The following VIT variants were observed in gnomAD, a reference collection of about 807,000 sequenced individuals.
VIT encodes vitrin.
Under a neutral mutation model 78.0 loss-of-function variants are expected in VIT, and 99 were observed. The ratio of observed to expected loss-of-function variants is 1.27; its 90% CI spans 1.08 to 1.50. VIT has a LOEUF of 1.50. VIT is among the 40% of genes most tolerant of loss of function. The probability of loss-of-function intolerance (pLI) is 0.00; values close to 1 mark genes in which losing one functional copy is unlikely to be tolerated. For missense variants in VIT, 1,126 were observed against 875.3 expected, an observed-to-expected ratio of 1.29 and a Z score of -3.61; for synonymous variants, 374 against 334.3, an observed-to-expected ratio of 1.12 and a Z score of -1.29.
chr2:36,732,197 G>A (rs932241174), intron 3 of VIT, among the ~76,000 whole-genome samples: 3 of 152,180 alleles, frequency 2.0e-5, no homozygotes, highest in Non-Finnish European at 2.9e-5. Context: ...ATCACGAAAG[G>A]TTCCATGATT....
chr2:36,795,982 A>C (rs1240154678), intron 12 of VIT, among the ~76,000 whole-genome samples: 2 of 152,138 alleles, frequency 1.3e-5, no homozygotes, highest in Admixed American at 1.3e-4. Flanking sequence ...GTGCATTCAG[A>C]AAAAGAAGAG....
At chr2:36,758,295 AC>A (rs144705057) in intron 5 of VIT, among the ~76,000 whole-genome samples, 1,850 of 152,368 alleles carry the variant, frequency 0.012, 37 homozygotes, top group African/African-American at 0.043. Flanking sequence ...CAGGGGGCTT[AC>A]TGTATTCCAG....
In VIT at chr2:36,785,702, A is replaced by G. The variant is rs946414121; in HGVS notation, c.911-1427A>G. Among the ~76,000 whole-genome samples, 9 of 152,218 alleles carry G rather than the reference A, an allele frequency of 5.9e-5. 1 individual carries two copies. In the East Asian group the frequency reaches 1.7e-3, roughly 29 times the overall value. On this transcript the variant is annotated intron_variant, in intron 11 of 15. Coordinates refer to ENST00000379242, the MANE Select transcript of VIT (RefSeq NM_053276.4). ...GAGATTTGCTACTGAGCCAAGGTAC[A>G]AACAGGTGCCCTGATTCTAGATGGA...
At chr2:36,807,804 C>A (rs1472578291) in intron 14 of VIT, among the ~76,000 whole-genome samples, 1 of 152,186 alleles carries the variant, frequency 6.6e-6, no homozygotes, top group Admixed American at 6.5e-5. Context: ...GCAGAGTTGT[C>A]TGGTTCTGAA....
intron 2 of VIT, among the ~76,000 whole-genome samples, chr2:36,718,636 C>T (rs1666308505): frequency 6.6e-6 from 1 of 152,142 alleles, no homozygotes; most frequent in African/African-American, 2.4e-5. Context: ...AGCAGGCACT[C>T]TCAGGAGCCA....
intron 12 of VIT, among the ~76,000 whole-genome samples, chr2:36,797,348 C>G (rs1260099028): frequency 1.3e-5 from 2 of 152,102 alleles, no homozygotes; most frequent in Admixed American, 6.6e-5. Context: ...TGGTTAGGAC[C>G]AGGTAGGAAA....
At chr2:36,787,723 T>C (rs974543282) in intron 12 of VIT, 1 of 400,574 alleles carries the variant, frequency 2.5e-6, no homozygotes, top group African/African-American at 2.1e-5. Flanking sequence ...TATCCACCTA[T>C]AGGTTAGACG....
intron 11 of VIT, among the ~76,000 whole-genome samples, chr2:36,784,439 C>T (rs546388112): frequency 6.6e-6 from 1 of 152,334 alleles, no homozygotes; most frequent in Admixed American, 6.5e-5. Flanking sequence ...AAACACAGAC[C>T]TGCTGGTTCT....
intron 1 of VIT, among the ~76,000 whole-genome samples, chr2:36,699,641 G>T (rs1334391859): frequency 6.6e-6 from 1 of 151,158 alleles, no homozygotes; most frequent in African/African-American, 2.5e-5. Flanking sequence ...TAGATAGATA[G>T]ATAGATAGAT....
Position 36,712,482 on chromosome 2 carries a change from T to G in VIT, c.-18-3871T>G, listed in dbSNP as rs142300634. 6.6e-5 allele frequency among the ~76,000 whole-genome samples: 10 copies of G among 152,354 alleles called. No individual in the cohort carries two copies. In the East Asian group the frequency reaches 1.9e-3, roughly 29 times the overall value. On this transcript the variant is annotated intron_variant, in intron 1 of 15. Coordinates refer to ENST00000379242, the MANE Select transcript of VIT (RefSeq NM_053276.4). ...GGTTTGTTTGTTGATTAACAAAGTA[T>G]CAACACTGCTTTATTAGTTTTTATT...
intron 4 of VIT, among the ~76,000 whole-genome samples, chr2:36,748,061 T>C (rs1348495686): frequency 6.6e-6 from 1 of 152,244 alleles, no homozygotes; most frequent in African/African-American, 2.4e-5. Context: ...CCCAATCTCT[T>C]CTGGCTTGTA....
At chr2:36,803,663 G>T (rs1186078000) in intron 13 of VIT, among the ~76,000 whole-genome samples, 2 of 152,196 alleles carry the variant, frequency 1.3e-5, no homozygotes, top group African/African-American at 2.4e-5. Context: ...AGACATTTCT[G>T]CAGCATCTGT....
At chr2:36,773,550 T>G (rs1669878096) in intron 7 of VIT, among the ~76,000 whole-genome samples, 2 of 152,010 alleles carry the variant, frequency 1.3e-5, no homozygotes. Context: ...GCCAACATGG[T>G]GAAACCCCAT....
chr2:36,783,260 C>T (rs1664879160), intron 10 of VIT, 80 bp from the exon 11 acceptor site: 1 of 1,399,790 alleles, frequency 7.1e-7, no homozygotes, highest in Non-Finnish European at 1.0e-6. Flanking sequence ...GTGTGAATAT[C>T]CATTATGTCC....
intron 9 of VIT, among the ~76,000 whole-genome samples, chr2:36,775,658 CAGATGTTCCT>C (rs1160369264): frequency 7.9e-5 from 12 of 152,200 alleles, no homozygotes; most frequent in Admixed American, 2.0e-4. Flanking sequence ...TCGACCCACA[CAGATGTTCCT>C]AGATGTTCCT....
intron 1 of VIT, among the ~76,000 whole-genome samples, chr2:36,715,178 A>G (rs997768991): frequency 2.0e-5 from 3 of 151,878 alleles, no homozygotes; most frequent in Non-Finnish European, 4.4e-5. Flanking sequence ...CTCTAGCACT[A>G]CCCCCCACCT....
intron 2 of VIT, among the ~76,000 whole-genome samples, chr2:36,720,119 T>G (rs1299639135): frequency 5.9e-5 from 9 of 152,178 alleles, no homozygotes; most frequent in Non-Finnish European, 8.8e-5. Flanking sequence ...GATGGCATTT[T>G]TCACAGAAAT....
chr2:36,697,485 C>T (rs925378723), intron 1 of VIT, among the ~76,000 whole-genome samples: 2 of 152,198 alleles, frequency 1.3e-5, no homozygotes, highest in African/African-American at 2.4e-5. Context: ...TGGAATGTGG[C>T]TAGATGTGCG....
chr2:36,752,355 C>T (rs113825991), intron 4 of VIT, among the ~76,000 whole-genome samples: 2,178 of 152,222 alleles, frequency 0.014, 49 homozygotes, highest in African/African-American at 0.048. Flanking sequence ...AGCCATTCGA[C>T]ACCTGGCCCT....
Sources: allele counts gnomAD v4.1 joint callset (sites outside exome capture counted in the v4.1 genomes callset), GRCh38; gene constraint gnomAD v4.1.1; transcripts MANE v1.5; gene names NCBI Gene and HGNC (gene_info 2026-07-23, HGNC 2026-07-21).